Variants in CNTN5 observed in about 807,000 individuals in gnomAD.
CNTN5 encodes the protein contactin 5.
A neutral mutation model predicts 129.1 loss-of-function variants in CNTN5; 77 were observed. The observed-to-expected ratio is 0.60, with a 90% CI of 0.50 to 0.72. The LOEUF is 0.72. Ranked by LOEUF, CNTN5 falls within the 30% of genes least tolerant of loss-of-function variation. The pLI is 0.00. For missense variants in CNTN5, 1,478 were observed against 1,328.8 expected (o/e 1.11, Z -1.75); for synonymous variants, 509 against 465.6 (o/e 1.09, Z -1.20).
intron 16 of CNTN5, among the ~76,000 whole-genome samples, chr11:100,244,931 A>G (rs1321831534): frequency 6.6e-6 from 1 of 152,186 alleles, no homozygotes. Flanking sequence ...TACTTATGCT[A>G]ATATAACCAG....
At chr11:99,960,460 AAT>A (rs1297357240) in intron 8 of CNTN5, among the ~76,000 whole-genome samples, 1 of 152,118 alleles carries the variant, frequency 6.6e-6, no homozygotes, top group African/African-American at 2.4e-5. Context: ...AAAATCAATA[AAT>A]ATCTACAGAT....
At chr11:99,616,172 T>A (rs1248338550) in intron 3 of CNTN5, among the ~76,000 whole-genome samples, 1 of 152,202 alleles carries the variant, frequency 6.6e-6, no homozygotes, top group Non-Finnish European at 1.5e-5. Flanking sequence ...ACCTCAAGAA[T>A]CACTCTTGCT....
rs532593688 is a variant in CNTN5, at chr11:99,374,980, G to T, written c.-71+49496G>T. 4.6e-5 allele frequency among the ~76,000 whole-genome samples: 7 copies of T among 152,242 alleles called. No homozygotes were observed. The East Asian group carries it at 1.4e-3, about 30-fold the overall frequency. On this transcript the variant is annotated intron_variant, in intron 2 of 24. Coordinates refer to ENST00000524871, the MANE Select transcript of CNTN5 (RefSeq NM_014361.4). ...TTTCAGGCTGGAAAAGTAAAGAAGA[G>T]GAATCAAAAGGAAACTAGATCTGAA...
intron 3 of CNTN5, among the ~76,000 whole-genome samples, chr11:99,810,010 G>A (rs553581352): frequency 4.5e-4 from 69 of 152,102 alleles, no homozygotes; most frequent in African/African-American, 1.6e-3. Flanking sequence ...CATATTGTGA[G>A]GGAAATATTA....
intron 2 of CNTN5, among the ~76,000 whole-genome samples, chr11:99,544,424 T>C (rs1212798607): frequency 1.3e-5 from 2 of 152,248 alleles, no homozygotes; most frequent in African/African-American, 2.4e-5. Context: ...ATTTATACTA[T>C]GTAGAATGAC....
chr11:100,289,854 G>T (rs1437426558), intron 18 of CNTN5, among the ~76,000 whole-genome samples: 14 of 150,106 alleles, frequency 9.3e-5, no homozygotes, highest in African/African-American at 3.2e-4. Flanking sequence ...TGTATATCTA[G>T]AAAACCCCAT....
At chr11:99,077,349 A>T (rs1865620296) in intron 1 of CNTN5, among the ~76,000 whole-genome samples, 1 of 152,228 alleles carries the variant, frequency 6.6e-6, no homozygotes, top group Admixed American at 6.5e-5. Flanking sequence ...TCTTTGCTAA[A>T]ACATTGACCT....
At chr11:100,336,324 G>C (rs1269924782) in intron 21 of CNTN5, among the ~76,000 whole-genome samples, 1 of 152,150 alleles carries the variant, frequency 6.6e-6, no homozygotes, top group Non-Finnish European at 1.5e-5. Context: ...TTAATTAAAA[G>C]AGCAATAATT....
chr11:99,455,146 G>A (rs1466315656), intron 2 of CNTN5, among the ~76,000 whole-genome samples: 1 of 152,076 alleles, frequency 6.6e-6, no homozygotes, highest in Non-Finnish European at 1.5e-5. Flanking sequence ...AATCCTCTCT[G>A]CAGAAAACTA....
At chr11:99,992,523 T>C (rs1484123384) in intron 8 of CNTN5, among the ~76,000 whole-genome samples, 1 of 152,216 alleles carries the variant, frequency 6.6e-6, no homozygotes, top group African/African-American at 2.4e-5. Context: ...TTCTTGAATT[T>C]TTTTAATGTT....
intron 13 of CNTN5, among the ~76,000 whole-genome samples, chr11:100,160,671 A>G (rs1947417337): frequency 6.6e-6 from 1 of 151,956 alleles, no homozygotes; most frequent in Non-Finnish European, 1.5e-5. Context: ...AGTTACTTCT[A>G]CTTATGGGGA....
intron 3 of CNTN5, among the ~76,000 whole-genome samples, chr11:99,561,032 C>A (rs1445136672): frequency 6.6e-6 from 1 of 152,170 alleles, no homozygotes; most frequent in Non-Finnish European, 1.5e-5. Context: ...ATCAACATTT[C>A]GGTTTCTAAT....
intron 21 of CNTN5, among the ~76,000 whole-genome samples, chr11:100,329,786 C>T (rs1591519135): frequency 1.3e-5 from 2 of 152,308 alleles, no homozygotes; most frequent in East Asian, 3.9e-4. Context: ...GAGAACACCA[C>T]ATCAAGGGAG....
At chr11:99,977,126 C>T (rs139895114) in intron 8 of CNTN5, among the ~76,000 whole-genome samples, 1 of 152,184 alleles carries the variant, frequency 6.6e-6, no homozygotes, top group Non-Finnish European at 1.5e-5. Context: ...AGGTCAGAGG[C>T]AAAATACCAC....
chr11:99,634,377 C>G (rs1951472613), intron 3 of CNTN5, among the ~76,000 whole-genome samples: 1 of 152,078 alleles, frequency 6.6e-6, no homozygotes, highest in East Asian at 1.9e-4. Flanking sequence ...TGAAAGTGGA[C>G]AGGCTTTATT....
chr11:99,908,074 G>A (rs551581339), intron 6 of CNTN5, among the ~76,000 whole-genome samples: 2 of 152,144 alleles, frequency 1.3e-5, no homozygotes, highest in South Asian at 2.1e-4. Flanking sequence ...GTCCCAGTGT[G>A]AAAAACTATC....
chr11:99,106,806 G>C (rs1867019280), intron 1 of CNTN5, among the ~76,000 whole-genome samples: 2 of 152,040 alleles, frequency 1.3e-5, no homozygotes, highest in Admixed American at 1.3e-4. Context: ...GTAGCACTGA[G>C]ATTGTAACAT....
chr11:99,610,534 C>T (rs988119365), intron 3 of CNTN5, among the ~76,000 whole-genome samples: 8 of 152,064 alleles, frequency 5.3e-5, no homozygotes, highest in Admixed American at 4.6e-4. Flanking sequence ...TGTAAGAAGT[C>T]GAACTATTAC....
intron 17 of CNTN5, among the ~76,000 whole-genome samples, chr11:100,267,228 C>A (rs1433680876): frequency 2.8e-5 from 4 of 143,866 alleles, no homozygotes; most frequent in South Asian, 2.2e-4. Context: ...CATCAAGTGG[C>A]CTTCTTTGTT....
Sources: allele counts gnomAD v4.1 joint callset (sites outside exome capture counted in the v4.1 genomes callset), GRCh38; gene constraint gnomAD v4.1.1; transcripts MANE v1.5; gene names NCBI Gene and HGNC (gene_info 2026-07-23, HGNC 2026-07-21).